SAMD3: variants seen among roughly 807,000 people sequenced by gnomAD.
The protein encoded by SAMD3 is sterile alpha motif domain containing 3, also known as sterile alpha motif domain-containing protein 3.
A neutral mutation model predicts 58.5 loss-of-function variants in SAMD3; 63 were observed. The observed-to-expected ratio is 1.08, with a 90% CI of 0.88 to 1.33. SAMD3 has a LOEUF of 1.33. Among genes scored for constraint, SAMD3 ranks in the 40% most tolerant of loss-of-function variants. The pLI is 0.00. For missense variants in SAMD3, 604 were observed against 608.4 expected (o/e 0.99, Z 0.08); for synonymous variants, 220 against 210.3 (o/e 1.05, Z -0.40).
intron 2 of SAMD3, among the ~76,000 whole-genome samples, chr6:130,243,661 C>G (rs1304146242): frequency 1.3e-5 from 2 of 152,096 alleles, no homozygotes; most frequent in African/African-American, 4.8e-5. Flanking sequence ...GCTCTTTCAA[C>G]TCTGAAAAAT....
At chr6:130,220,200 C>T (rs1316187985) in intron 1 of SAMD3, among the ~76,000 whole-genome samples, 1 of 152,098 alleles carries the variant, frequency 6.6e-6, no homozygotes, top group Non-Finnish European at 1.5e-5. Context: ...TGGGGTTTCA[C>T]CATGTTGGCC....
rs1229628313 is a variant in SAMD3 at position 130,310,857 on chromosome 6, G to T, written c.-188+2121C>A. ...GCAGAGAAGAAATGGATCCTCCAGT[G>T]TGAGACCCTCAGTAACTACAGCAAT... On this transcript the variant is annotated intron_variant, in intron 2 of 13. Coordinates refer to the SAMD3 transcript ENST00000368134. Among the ~76,000 whole-genome samples the T allele has an allele frequency of 2.0e-5, 3 of 152,300 alleles. No individual in the cohort carries two copies. The South Asian group carries it at 6.2e-4, about 32-fold the overall frequency.
At chr6:130,365,390 G>A in exon 1 of SAMD3, 1 of 985,532 alleles carries the variant, frequency 1.0e-6, no homozygotes. Flanking sequence ...GGGCCGGCGG[G>A]AAGCGTGGAC....
rs770095979 is a variant in SAMD3 at position 130,144,608 on chromosome 6, T to A, written c.1475A>T (p.Glu492Val). The A allele has an allele frequency of 6.2e-7, 1 of 1,614,136 alleles. No individual in the cohort carries two copies. The highest frequency in any genetic ancestry group is 1.7e-5 in the Admixed American group (1 of 60,028). Residue 492 changes from glutamate to valine, a missense_variant, in exon 12 of 12, where the codon GAA (glutamate) becomes GTA (valine). Physicochemically the swap from Glu to Val is moderately radical, Grantham distance 121. Coordinates refer to ENST00000439090, the MANE Select transcript of SAMD3 (RefSeq NM_001017373.4). ...ACTGTGCATATCGAAAATCAGCGTT[T>A]CTAGGAAGTTGAAAGTTTGGGACAG... ...RRLSQTFNFL[E>V]TLIFDMHSPY... is the part of the protein sequence containing the mutation.
intron 9 of SAMD3, among the ~76,000 whole-genome samples, chr6:130,149,546 A>G (rs931681584): frequency 2.0e-5 from 3 of 152,214 alleles, no homozygotes; most frequent in Non-Finnish European, 2.9e-5. Context: ...AAAGAATGAA[A>G]TCATGTCCTT....
chr6:130,291,896 G>A (rs1238550709), intron 2 of SAMD3, among the ~76,000 whole-genome samples: 1 of 152,012 alleles, frequency 6.6e-6, no homozygotes, highest in Non-Finnish European at 1.5e-5. Context: ...GGTTCTTAAT[G>A]TGCCTTTATA....
intron 1 of SAMD3, among the ~76,000 whole-genome samples, chr6:130,323,528 C>T (rs916597282): frequency 1.3e-5 from 2 of 151,784 alleles, no homozygotes; most frequent in African/African-American, 2.4e-5. Context: ...CCAGGCCAGG[C>T]ATGGTGGCTC....
chr6:130,160,356 T>C (rs1425762597), intron 8 of SAMD3: 1 of 152,122 alleles, frequency 6.6e-6, no homozygotes, highest in Non-Finnish European at 1.5e-5. Flanking sequence ...ATTACATTGA[T>C]TGAAAAAAAG....
At chr6:130,279,462 A>C (rs965910729) in intron 2 of SAMD3, among the ~76,000 whole-genome samples, 3 of 149,678 alleles carry the variant, frequency 2.0e-5, no homozygotes, top group Non-Finnish European at 4.4e-5. Context: ...CTCCCCAGCC[A>C]TATGGAACTG....
intron 1 of SAMD3, among the ~76,000 whole-genome samples, chr6:130,318,794 A>G (rs1205765185): frequency 6.6e-6 from 1 of 152,218 alleles, no homozygotes; most frequent in African/African-American, 2.4e-5. Context: ...CTGGTAAAGA[A>G]TAATTAGTTG....
chr6:130,293,485 A>C (rs1414132415), intron 2 of SAMD3, among the ~76,000 whole-genome samples: 1 of 151,926 alleles, frequency 6.6e-6, no homozygotes, highest in Non-Finnish European at 1.5e-5. Context: ...TATTATCTAA[A>C]ATATTACTCT....
upstream of SAMD3, among the ~76,000 whole-genome samples, chr6:130,223,729 C>A (rs1007069976): frequency 6.6e-6 from 1 of 152,106 alleles, no homozygotes; most frequent in Non-Finnish European, 1.5e-5. Flanking sequence ...CAGCTCAAAC[C>A]CCTAGAGGGA....
At chr6:130,234,748 G>A (rs1355652335) in intron 2 of SAMD3, among the ~76,000 whole-genome samples, 2 of 152,120 alleles carry the variant, frequency 1.3e-5, no homozygotes, top group Admixed American at 1.3e-4. Flanking sequence ...CACTTGTCTT[G>A]TCAGAAATTG....
At chr6:130,278,866 T>A (rs1774880867) in intron 2 of SAMD3, among the ~76,000 whole-genome samples, 1 of 152,142 alleles carries the variant, frequency 6.6e-6, no homozygotes, top group Admixed American at 6.5e-5. Context: ...TTAGCTTGAG[T>A]GTATCACTTA....
intron 2 of SAMD3, among the ~76,000 whole-genome samples, chr6:130,254,244 A>T (rs1773848012): frequency 6.6e-6 from 1 of 150,460 alleles, no homozygotes; most frequent in African/African-American, 2.5e-5. Flanking sequence ...CCCAGGCTGG[A>T]GTGCAGTGGC....
chr6:130,330,171 A>G (rs1776884888), intron 1 of SAMD3, among the ~76,000 whole-genome samples: 2 of 152,178 alleles, frequency 1.3e-5, no homozygotes, highest in Admixed American at 1.3e-4. Flanking sequence ...GTGATGAAGT[A>G]AGGATTGTTG....
At chr6:130,153,929 A>G (rs1226367047) in intron 9 of SAMD3, among the ~76,000 whole-genome samples, 2 of 151,920 alleles carry the variant, frequency 1.3e-5, no homozygotes, top group Non-Finnish European at 2.9e-5. Flanking sequence ...CACCCACCTC[A>G]GCCTCCCAAA....
intron 2 of SAMD3, among the ~76,000 whole-genome samples, chr6:130,260,407 C>T (rs11154536): frequency 0.11 from 16,059 of 152,218 alleles, 1,054 homozygotes; most frequent in Admixed American, 0.15. Context: ...CAGCCCCTGT[C>T]ACGTACCTCT....
chr6:130,288,309 G>A (rs1438538533), intron 2 of SAMD3, among the ~76,000 whole-genome samples: 2 of 152,188 alleles, frequency 1.3e-5, no homozygotes, highest in African/African-American at 2.4e-5. Context: ...CAATGTTGCA[G>A]TCTCAAGTTT....
Sources: allele counts gnomAD v4.1 joint callset (sites outside exome capture counted in the v4.1 genomes callset), GRCh38; gene constraint gnomAD v4.1.1; transcripts MANE v1.5; gene names NCBI Gene and HGNC (gene_info 2026-07-23, HGNC 2026-07-21).